The following DRC8 variants were observed in gnomAD, a reference collection of about 807,000 sequenced individuals.
The protein encoded by DRC8 is dynein regulatory complex subunit 8, also known as dynein regulatory complex protein 8.
chr1:244,992,185 G>A, the DRC8 span, among the ~76,000 whole-genome samples: 5 of 152,216 alleles, frequency 3.3e-5, no homozygotes, highest in African/African-American at 1.2e-4. Context: ...GGCAAAGTAT[G>A]AGAAGACAGA....
the DRC8 span, among the ~76,000 whole-genome samples, chr1:245,108,333 C>T: frequency 6.6e-6 from 1 of 152,228 alleles, no homozygotes; most frequent in Non-Finnish European, 1.5e-5. Context: ...CAGTTCTTCA[C>T]GTTTTTTGAA....
the DRC8 span, among the ~76,000 whole-genome samples, chr1:245,064,314 G>C: frequency 6.6e-6 from 1 of 152,198 alleles, no homozygotes; most frequent in Non-Finnish European, 1.5e-5. Context: ...AGTAAAGATA[G>C]GTCAGTGATA....
At chr1:245,062,707 AT>A in the DRC8 span, among the ~76,000 whole-genome samples, 2 of 152,202 alleles carry the variant, frequency 1.3e-5, no homozygotes, top group Non-Finnish European at 2.9e-5. Flanking sequence ...GACCATCTGC[AT>A]CCTCCCCTTC....
At chr1:245,029,300 G>A in the DRC8 span, among the ~76,000 whole-genome samples, 543 of 152,216 alleles carry the variant, frequency 3.6e-3, 1 homozygote, top group Middle Eastern at 6.8e-3. Flanking sequence ...ACAGGTATCT[G>A]TCTGTTTTTG....
chr1:245,075,376 T>C, the DRC8 span, among the ~76,000 whole-genome samples: 1 of 152,232 alleles, frequency 6.6e-6, no homozygotes, highest in African/African-American at 2.4e-5. Flanking sequence ...CCACATGCTT[T>C]GAGGCTGAGA....
the DRC8 span, among the ~76,000 whole-genome samples, chr1:244,994,720 G>A: frequency 2.1e-4 from 32 of 152,246 alleles, no homozygotes; most frequent in East Asian, 4.6e-3. Context: ...GAGCCCCTGC[G>A]CCTGGGACAT....
chr1:245,049,295 T>C, the DRC8 span, among the ~76,000 whole-genome samples: 1 of 152,226 alleles, frequency 6.6e-6, no homozygotes, highest in Non-Finnish European at 1.5e-5. This position sits in a 1 kb window ranked among gnomAD's most constrained non-coding sequence, Gnocchi z 4.5. Flanking sequence ...TCAGTGTAGG[T>C]CTTCTAAGAC....
the DRC8 span, among the ~76,000 whole-genome samples, chr1:244,972,614 A>T: frequency 3.9e-5 from 6 of 152,132 alleles, no homozygotes; most frequent in Non-Finnish European, 7.4e-5. Context: ...AGGTCAAGAG[A>T]TCGAGACCAT....
the DRC8 span, among the ~76,000 whole-genome samples, chr1:245,101,553 A>C: frequency 6.6e-6 from 1 of 152,182 alleles, no homozygotes; most frequent in Non-Finnish European, 1.5e-5. Context: ...AATGGTGATA[A>C]TCTAATTCTA....
chr1:245,086,511 G>A, the DRC8 span, among the ~76,000 whole-genome samples: 1 of 152,206 alleles, frequency 6.6e-6, no homozygotes, highest in African/African-American at 2.4e-5. Context: ...AGCCCTGGAT[G>A]TCATATGATA....
At chr1:244,984,883 C>G in the DRC8 span, among the ~76,000 whole-genome samples, 4 of 150,828 alleles carry the variant, frequency 2.7e-5, no homozygotes, top group African/African-American at 9.7e-5. Context: ...AATTTCCTGA[C>G]ACATACGTGT....
chr1:245,059,103 CTT>C, the DRC8 span, among the ~76,000 whole-genome samples: 1 of 152,348 alleles, frequency 6.6e-6, no homozygotes, highest in South Asian at 2.1e-4. Context: ...TTAAGTAACA[CTT>C]AACGTCAGTT....
At chr1:245,103,172 G>A in the DRC8 span, among the ~76,000 whole-genome samples, 105 of 136,124 alleles carry the variant, frequency 7.7e-4, no homozygotes, top group African/African-American at 3.0e-3. Context: ...GAGGATCAGA[G>A]GTGGTCCTCT....
At chr1:245,024,041 G>A in the DRC8 span, among the ~76,000 whole-genome samples, 3 of 152,036 alleles carry the variant, frequency 2.0e-5, no homozygotes, top group Non-Finnish European at 4.4e-5. Flanking sequence ...ATGATGGCGG[G>A]TGCCTGTAAT....
the DRC8 span, among the ~76,000 whole-genome samples, chr1:245,069,607 G>T: frequency 1.3e-5 from 2 of 152,328 alleles, no homozygotes; most frequent in African/African-American, 2.4e-5. Context: ...TAGAGCAGTA[G>T]TGGCCGGGGA....
At chr1:245,043,160 G>A in the DRC8 span, among the ~76,000 whole-genome samples, 1 of 152,154 alleles carries the variant, frequency 6.6e-6, no homozygotes, top group Admixed American at 6.5e-5. Context: ...GACTGAGTGC[G>A]GTGGCTCACG....
chr1:245,115,090 A>T, the DRC8 span, among the ~76,000 whole-genome samples: 1 of 151,922 alleles, frequency 6.6e-6, no homozygotes, highest in African/African-American at 2.4e-5. Context: ...TCGCTCTGTC[A>T]TCCAGGCTGG....
At chr1:245,068,768 A>G in the DRC8 span, among the ~76,000 whole-genome samples, 1 of 152,084 alleles carries the variant, frequency 6.6e-6, no homozygotes, top group Non-Finnish European at 1.5e-5. Flanking sequence ...ATCTTATAGT[A>G]TAATTCAGTA....
chr1:245,071,529 A>G, the DRC8 span, among the ~76,000 whole-genome samples: 1 of 152,246 alleles, frequency 6.6e-6, no homozygotes, highest in African/African-American at 2.4e-5. Flanking sequence ...CAGAACTTAG[A>G]AATAATGAAC....
Sources: allele counts gnomAD v4.1 joint callset (sites outside exome capture counted in the v4.1 genomes callset), GRCh38; gene constraint gnomAD v4.1.1; non-coding constraint Gnocchi (gnomAD v3.1); transcripts MANE v1.5; gene names NCBI Gene and HGNC (gene_info 2026-07-23, HGNC 2026-07-21).